The following SUGCT variants were observed in gnomAD, a reference collection of about 807,000 sequenced individuals.
SUGCT encodes succinyl-CoA:glutarate CoA-transferase.
A neutral mutation model predicts 55.0 loss-of-function variants in SUGCT; 41 were observed. The observed-to-expected ratio is 0.74, with a 90% CI of 0.58 to 0.97. The LOEUF is 0.97. Ranked by LOEUF, SUGCT falls within the 50% of genes least tolerant of loss-of-function variation. The pLI, the probability that SUGCT is intolerant of heterozygous loss-of-function variation, is 0.00. For synonymous variants in SUGCT, 187 were observed against 200.4 expected, an observed-to-expected ratio of 0.93 and a Z score of 0.56; for missense variants, 568 against 547.8, an observed-to-expected ratio of 1.04 and a Z score of -0.37.
chr7:40,789,643 T>C (rs1027825693), intron 13 of SUGCT, among the ~76,000 whole-genome samples: 1 of 151,974 alleles, frequency 6.6e-6, no homozygotes, highest in African/African-American at 2.4e-5. Context: ...TACCCAGGAG[T>C]GGGATAGCTG....
At chr7:40,586,082 T>C (rs1797363285) in intron 12 of SUGCT, among the ~76,000 whole-genome samples, 1 of 152,178 alleles carries the variant, frequency 6.6e-6, no homozygotes, top group Non-Finnish European at 1.5e-5. Context: ...TCCAGGTGGT[T>C]CAAGATCCCC....
intron 1 of SUGCT, among the ~76,000 whole-genome samples, chr7:40,167,008 T>C (rs776650619): frequency 6.6e-6 from 1 of 152,206 alleles, no homozygotes; most frequent in African/African-American, 2.4e-5. Flanking sequence ...AAGCTATACA[T>C]GCACTTACCA....
At chr7:40,479,703 A>G (rs1413573770) in intron 11 of SUGCT, among the ~76,000 whole-genome samples, 2 of 152,100 alleles carry the variant, frequency 1.3e-5, no homozygotes, top group African/African-American at 4.8e-5. Flanking sequence ...TTTTTCTGAT[A>G]GCAGTCATTA....
At chr7:40,844,042 A>AGTGGGTG (rs1793425420) in intron 13 of SUGCT, among the ~76,000 whole-genome samples, 2 of 152,004 alleles carry the variant, frequency 1.3e-5, no homozygotes, top group Non-Finnish European at 2.9e-5. Context: ...GGGCAAATCA[A>AGTGGGTG]CACTGGAACC....
the SUGCT span, among the ~76,000 whole-genome samples, chr7:40,927,689 C>T: frequency 6.6e-6 from 1 of 152,148 alleles, no homozygotes; most frequent in Non-Finnish European, 1.5e-5. Flanking sequence ...ATATGAGCCT[C>T]TTGGTTCTGA....
At chr7:40,143,001 A>C (rs1168823623) in intron 1 of SUGCT, among the ~76,000 whole-genome samples, 1 of 152,200 alleles carries the variant, frequency 6.6e-6, no homozygotes, top group African/African-American at 2.4e-5. Context: ...TTTGGGGTTT[A>C]AATTGATCTG....
intron 13 of SUGCT, among the ~76,000 whole-genome samples, chr7:40,831,374 C>T (rs1397493547): frequency 6.6e-6 from 1 of 152,134 alleles, no homozygotes; most frequent in East Asian, 1.9e-4. Context: ...CCTTCATGGG[C>T]CACCCAGAAG....
intron 9 of SUGCT, among the ~76,000 whole-genome samples, chr7:40,430,773 A>G (rs1787849264): frequency 6.6e-6 from 1 of 152,070 alleles, no homozygotes; most frequent in Non-Finnish European, 1.5e-5. Context: ...CTGATCTTAT[A>G]TTTAGGTCTT....
chr7:40,966,581 C>G, the SUGCT span: 3 of 152,306 alleles, frequency 2.0e-5, no homozygotes, highest in South Asian at 2.1e-4. Context: ...TTTGGCAGAT[C>G]CGTGTCCTGT....
chr7:40,164,978 A>T (rs954180401), intron 1 of SUGCT, among the ~76,000 whole-genome samples: 1 of 152,164 alleles, frequency 6.6e-6, no homozygotes, highest in Admixed American at 6.5e-5. Context: ...TTTCCTATCA[A>T]ACTAGGTTGT....
At chr7:40,213,727 A>G (rs1187420283) in intron 6 of SUGCT, among the ~76,000 whole-genome samples, 1 of 152,112 alleles carries the variant, frequency 6.6e-6, no homozygotes, top group Non-Finnish European at 1.5e-5. Context: ...GTATTTGTTT[A>G]TGTCAGTATT....
At chr7:40,574,775 C>T (rs1191646648) in intron 12 of SUGCT, among the ~76,000 whole-genome samples, 1 of 152,170 alleles carries the variant, frequency 6.6e-6, no homozygotes, top group Admixed American at 6.5e-5. Context: ...AATCAGCTTC[C>T]TACTTTTTAA....
rs927283851 is a variant in SUGCT, at chr7:40,681,946, G to A, written c.1090-67488G>A. 5.3e-5 allele frequency among the ~76,000 whole-genome samples: 8 copies of A among 152,244 alleles called. No homozygotes were observed. In the South Asian group the frequency reaches 1.7e-3, roughly 32 times the overall value. ...GAGTAGGCAGATCTGTTTGGTGGGG[G>A]TCTGGGTTTCTGAAAAACAAGTCAG... is the stretch of plus-strand genomic sequence containing the variant. On this transcript the variant is annotated intron_variant, in intron 12 of 13. Transcript: ENST00000335693.
At chr7:40,356,269 C>T (rs760661727) in intron 9 of SUGCT, among the ~76,000 whole-genome samples, 3 of 152,214 alleles carry the variant, frequency 2.0e-5, no homozygotes, top group Non-Finnish European at 4.4e-5. Context: ...GTTTTGCATG[C>T]AAATGCTGTT....
At chr7:40,660,199 T>C (rs1319401852) in intron 12 of SUGCT, among the ~76,000 whole-genome samples, 5 of 152,212 alleles carry the variant, frequency 3.3e-5, no homozygotes, top group Admixed American at 2.6e-4. Context: ...TATGAGGTAA[T>C]GTCTCCTTGA....
intron 9 of SUGCT, among the ~76,000 whole-genome samples, chr7:40,346,298 G>A (rs1797300832): frequency 6.6e-6 from 1 of 151,906 alleles, no homozygotes; most frequent in South Asian, 2.1e-4. Context: ...CTTAATCTAT[G>A]AATGTATTTA....
intron 12 of SUGCT, among the ~76,000 whole-genome samples, chr7:40,730,515 T>C (rs1038376595): frequency 2.0e-5 from 3 of 152,232 alleles, no homozygotes; most frequent in Non-Finnish European, 4.4e-5. Context: ...CTAATTAATA[T>C]CTGCAATACC....
chr7:40,843,826 G>A (rs114750301), intron 13 of SUGCT, among the ~76,000 whole-genome samples: 105 of 152,278 alleles, frequency 6.9e-4, no homozygotes, highest in African/African-American at 2.4e-3. Context: ...GCAGAGGAAT[G>A]ACATGACTGG....
intron 13 of SUGCT, among the ~76,000 whole-genome samples, chr7:40,807,358 G>A (rs1442575667): frequency 6.6e-6 from 1 of 152,110 alleles, no homozygotes; most frequent in Non-Finnish European, 1.5e-5. Flanking sequence ...ATTTTGACGT[G>A]AGGTCTCACA....
Sources: gnomAD v4.1 joint callset for allele counts (sites outside exome capture counted in the v4.1 genomes callset) on GRCh38, gnomAD v4.1.1 for gene constraint, MANE v1.5 for transcripts, NCBI Gene and HGNC (gene_info 2026-07-23, HGNC 2026-07-21) for gene names.